SHANK2: variants seen among roughly 807,000 people sequenced by gnomAD.
The protein encoded by SHANK2 is SH3 and multiple ankyrin repeat domains protein 2.
SHANK2 carries 43 observed loss-of-function variants against 133.7 expected under a neutral mutation model. The observed-to-expected ratio is 0.32, with a 90% confidence interval of 0.25 to 0.41. SHANK2 has a LOEUF of 0.41. Ranked by LOEUF, SHANK2 falls within the 10% of genes least tolerant of loss-of-function variation. The probability of loss-of-function intolerance (pLI) is 1.00; values close to 1 mark genes in which losing one functional copy is unlikely to be tolerated. For synonymous variants in SHANK2, 1,017 were observed against 952.8 expected (o/e 1.07, Z -1.24); for missense variants, 1,994 against 2,235.8 (o/e 0.89, Z 2.18).
At chr11:70,628,813 C>G (rs1011930963) in intron 17 of SHANK2, among the ~76,000 whole-genome samples, 1 of 152,210 alleles carries the variant, frequency 6.6e-6, no homozygotes, top group Non-Finnish European at 1.5e-5. Context: ...TAGGAAGAGT[C>G]TCTTGACTAG....
chr11:70,477,397 A>G (rs1050754849), intron 25 of SHANK2: 1 of 152,244 alleles, frequency 6.6e-6, no homozygotes, highest in Non-Finnish European at 1.5e-5. Context: ...CATCACTTTC[A>G]TAGGGAGCGT....
intron 14 of SHANK2, among the ~76,000 whole-genome samples, chr11:70,795,551 G>T (rs117240298): frequency 6.6e-6 from 1 of 152,008 alleles, no homozygotes; most frequent in Non-Finnish European, 1.5e-5. Flanking sequence ...GACTACAGGT[G>T]CATGGCACCA....
At chr11:71,205,458 C>T (rs1476683439) in intron 2 of SHANK2, among the ~76,000 whole-genome samples, 1 of 152,234 alleles carries the variant, frequency 6.6e-6, no homozygotes, top group African/African-American at 2.4e-5. Flanking sequence ...GCCTGTGCCC[C>T]TCTTGCTGGG....
chr11:71,214,346 C>T (rs530538538), intron 2 of SHANK2, among the ~76,000 whole-genome samples: 1 of 152,240 alleles, frequency 6.6e-6, no homozygotes, highest in Admixed American at 6.5e-5. Flanking sequence ...GAACCGCGTG[C>T]TGGCTCCCCT....
intron 9 of SHANK2, among the ~76,000 whole-genome samples, chr11:71,072,750 C>T (rs1951159586): frequency 2.0e-5 from 3 of 152,120 alleles, no homozygotes; most frequent in Admixed American, 6.5e-5. Flanking sequence ...CAGCCTACAG[C>T]GTGGACAAAC....
chr11:70,680,429 T>C (rs1405611679), intron 15 of SHANK2, among the ~76,000 whole-genome samples: 1 of 152,108 alleles, frequency 6.6e-6, no homozygotes, highest in East Asian at 1.9e-4. Context: ...TGGTTTCTAG[T>C]GGCCACCACG....
At chr11:70,540,056 CAGT>C (rs1165669718) in intron 17 of SHANK2, among the ~76,000 whole-genome samples, 1 of 152,178 alleles carries the variant, frequency 6.6e-6, no homozygotes, top group Non-Finnish European at 1.5e-5. Flanking sequence ...GGAAGTGGGC[CAGT>C]AGATCAGGGG....
At chr11:70,856,380 G>A (rs1949172409) in intron 11 of SHANK2, among the ~76,000 whole-genome samples, 1 of 152,016 alleles carries the variant, frequency 6.6e-6, no homozygotes, top group Admixed American at 6.6e-5. Context: ...ATAATTGACT[G>A]GAGGAAGGAA....
chr11:70,746,178 G>T (rs533047551), intron 14 of SHANK2, among the ~76,000 whole-genome samples: 9 of 152,346 alleles, frequency 5.9e-5, no homozygotes, highest in African/African-American at 1.7e-4. Flanking sequence ...CAGCAGATCT[G>T]GGGGCAGAGC....
At chr11:71,114,478 G>A (rs75403132) in intron 4 of SHANK2, among the ~76,000 whole-genome samples, 2,253 of 152,240 alleles carry the variant, frequency 0.015, 53 homozygotes, top group African/African-American at 0.051. Context: ...CAAACAAAAT[G>A]GCTATTTGAC....
At chr11:70,725,298 C>G (rs952331941) in intron 14 of SHANK2, among the ~76,000 whole-genome samples, 1 of 152,214 alleles carries the variant, frequency 6.6e-6, no homozygotes, top group Non-Finnish European at 1.5e-5. Flanking sequence ...TTATTTGCAG[C>G]TGGTTCTGTG....
intron 2 of SHANK2, among the ~76,000 whole-genome samples, chr11:71,197,810 A>G (rs1199721427): frequency 2.6e-5 from 4 of 152,188 alleles, no homozygotes; most frequent in African/African-American, 7.2e-5. Flanking sequence ...GCATTTTATA[A>G]AACACTGTTG....
intron 15 of SHANK2, among the ~76,000 whole-genome samples, chr11:70,688,080 G>T (rs1241230650): frequency 1.3e-5 from 2 of 152,204 alleles, no homozygotes; most frequent in African/African-American, 4.8e-5. Flanking sequence ...CCGTCATGAG[G>T]GTGTCCAGGC....
chr11:70,648,913 G>T lies in SHANK2; in HGVS notation c.2061+10915C>A, dbSNP rs144495639. Among the ~76,000 whole-genome samples, 494 of 152,298 alleles carry T rather than the reference G, an allele frequency of 3.2e-3. 5 individuals are homozygous for T. Among genetic ancestry groups the T allele is most frequent in the African/African-American group, 0.012 (481 of 41,552 alleles). On this transcript the variant is annotated intron_variant, in intron 17 of 25. Transcript: ENST00000601538. The stretch of plus-strand genomic sequence containing the variant: ...TCCCTTATCTGATGGGGCATGTGCA[G>T]GAAGTGACTATGGCAGAGGGTTATG...
At chr11:70,915,273 C>A (rs1555079694) in intron 10 of SHANK2, among the ~76,000 whole-genome samples, 1 of 152,156 alleles carries the variant, frequency 6.6e-6, no homozygotes, top group African/African-American at 2.4e-5. Flanking sequence ...GGCTGCTGTT[C>A]CCAAATCCGC....
intron 17 of SHANK2, among the ~76,000 whole-genome samples, chr11:70,579,254 G>C (rs1384522979): frequency 6.6e-6 from 1 of 152,180 alleles, no homozygotes; most frequent in Non-Finnish European, 1.5e-5. Context: ...ATCATTTCCA[G>C]CCAGTGAGCT....
intron 17 of SHANK2, among the ~76,000 whole-genome samples, chr11:70,515,330 C>T (rs78661839): frequency 3.9e-5 from 6 of 152,158 alleles, no homozygotes; most frequent in East Asian, 3.8e-4. Context: ...TGAACCACTG[C>T]GCCTGGCCAT....
chr11:70,703,778 A>G (rs1945597336), intron 14 of SHANK2, among the ~76,000 whole-genome samples: 1 of 152,150 alleles, frequency 6.6e-6, no homozygotes. Flanking sequence ...TCTGCCTCAG[A>G]GCTGACCACA....
intron 1 of SHANK2, among the ~76,000 whole-genome samples, chr11:71,249,295 C>T (rs543879388): frequency 6.6e-6 from 1 of 152,302 alleles, no homozygotes; most frequent in African/African-American, 2.4e-5. Flanking sequence ...CTTTCTTCCA[C>T]AAATTCCCCA....
Sources: allele counts gnomAD v4.1 joint callset (sites outside exome capture counted in the v4.1 genomes callset), GRCh38; gene constraint gnomAD v4.1.1; transcripts MANE v1.5; gene names NCBI Gene and HGNC (gene_info 2026-07-23, HGNC 2026-07-21).